Variants in FGF14 observed in about 807,000 individuals in gnomAD.
The protein encoded by FGF14 is fibroblast growth factor 14.
FGF14 carries 5 observed loss-of-function variants against 25.5 expected under a neutral mutation model. The ratio of observed to expected loss-of-function variants is 0.20; its 90% confidence interval spans 0.10 to 0.41. The LOEUF is 0.41. Among genes scored for constraint, FGF14 ranks in the 10% least tolerant of loss-of-function variants. FGF14 has a pLI of 1.00. For missense variants in FGF14, 222 were observed against 320.1 expected, an observed-to-expected ratio of 0.69 and a Z score of 2.34; for synonymous variants, 138 against 118.3, an observed-to-expected ratio of 1.17 and a Z score of -1.08.
At chr13:102,060,481 G>A (rs1309156830) in intron 1 of FGF14, among the ~76,000 whole-genome samples, 2 of 152,314 alleles carry the variant, frequency 1.3e-5, no homozygotes, top group Non-Finnish European at 2.9e-5. Flanking sequence ...AGCCGAGATC[G>A]CGCCACTGCA....
At chr13:102,108,773 C>T (rs2045060682) in intron 1 of FGF14, among the ~76,000 whole-genome samples, 3 of 152,112 alleles carry the variant, frequency 2.0e-5, no homozygotes, top group African/African-American at 7.2e-5. Context: ...TCTGGTTTAC[C>T]ATATAACAAA....
At chr13:101,901,569 T>C (rs920753398) in intron 1 of FGF14, among the ~76,000 whole-genome samples, 9 of 152,090 alleles carry the variant, frequency 5.9e-5, no homozygotes, top group African/African-American at 2.2e-4. Context: ...CTAGAGGTTA[T>C]GGTGTGCACC....
intron 1 of FGF14, among the ~76,000 whole-genome samples, chr13:102,147,517 T>C (rs1424135206): frequency 1.3e-5 from 2 of 152,222 alleles, no homozygotes; most frequent in East Asian, 1.9e-4. Flanking sequence ...ACATATTTCA[T>C]TGTCATGTGT....
chr13:102,373,298 T>C (rs113650928), intron 1 of FGF14: 1 of 152,328 alleles, frequency 6.6e-6, no homozygotes, highest in African/African-American at 2.4e-5. Flanking sequence ...TTCTACATGG[T>C]AAATTACCTT....
intron 3 of FGF14, among the ~76,000 whole-genome samples, chr13:101,778,684 C>A (rs2039296597): frequency 6.6e-6 from 1 of 152,092 alleles, no homozygotes; most frequent in African/African-American, 2.4e-5. Context: ...CAACCTCTCC[C>A]CGTTTCTAAA....
chr13:102,302,916 T>C (rs1023904924), intron 1 of FGF14, among the ~76,000 whole-genome samples: 6 of 152,120 alleles, frequency 3.9e-5, no homozygotes, highest in Non-Finnish European at 2.9e-5. Flanking sequence ...AAAACATAAG[T>C]CAGATCCTGC....
chr13:101,825,994 T>C (rs2042376271), intron 3 of FGF14, among the ~76,000 whole-genome samples: 1 of 152,178 alleles, frequency 6.6e-6, no homozygotes, highest in Non-Finnish European at 1.5e-5. Flanking sequence ...TTATGCAATG[T>C]TTTTATCATA....
chr13:102,027,924 T>C (rs766074776), intron 1 of FGF14, among the ~76,000 whole-genome samples: 24 of 152,040 alleles, frequency 1.6e-4, no homozygotes, highest in African/African-American at 4.3e-4. Context: ...CTTTTTATTA[T>C]ATAGAGAGAA....
At chr13:101,953,979 T>C (rs185467151) in intron 1 of FGF14, among the ~76,000 whole-genome samples, 2 of 152,292 alleles carry the variant, frequency 1.3e-5, no homozygotes, top group Admixed American at 1.3e-4. Context: ...AAAAGATTAA[T>C]TGAAGTTGAG....
intron 2 of FGF14, among the ~76,000 whole-genome samples, chr13:101,870,104 A>T (rs1018480030): frequency 2.0e-5 from 3 of 152,204 alleles, no homozygotes; most frequent in African/African-American, 7.2e-5. Context: ...ACGTAAACTA[A>T]TATCAGATTT....
intron 1 of FGF14, among the ~76,000 whole-genome samples, chr13:102,039,574 C>T (rs1436535901): frequency 6.6e-6 from 1 of 152,142 alleles, no homozygotes; most frequent in African/African-American, 2.4e-5. Flanking sequence ...GTCTCTGCCT[C>T]TGTCATCGCG....
At chr13:102,030,534 A>G (rs1296164714) in intron 1 of FGF14, among the ~76,000 whole-genome samples, 1 of 152,082 alleles carries the variant, frequency 6.6e-6, no homozygotes, top group African/African-American at 2.4e-5. Context: ...TTCGGGGGAA[A>G]GATTTGCATA....
intron 1 of FGF14, among the ~76,000 whole-genome samples, chr13:102,141,227 G>C (rs1173877581): frequency 6.6e-6 from 1 of 152,194 alleles, no homozygotes; most frequent in Non-Finnish European, 1.5e-5. Flanking sequence ...CCAGGAAAAT[G>C]GACGTGTTGA....
intron 3 of FGF14, among the ~76,000 whole-genome samples, chr13:101,823,926 T>A (rs1594383175): frequency 2.0e-5 from 3 of 149,838 alleles, no homozygotes; most frequent in Admixed American, 6.7e-5. Flanking sequence ...AATAATCAAT[T>A]ATAATATTTA....
chr13:102,107,883 T>G (rs967913882), intron 1 of FGF14, among the ~76,000 whole-genome samples: 2 of 152,186 alleles, frequency 1.3e-5, no homozygotes, highest in Non-Finnish European at 2.9e-5. Context: ...AGAGGGAACT[T>G]TTGCCTTCCT....
At chr13:102,292,268 T>G (rs2054447579) in intron 1 of FGF14, 1 of 111,140 alleles carries the variant, frequency 9.0e-6, no homozygotes, top group African/African-American at 3.7e-5. Context: ...TCCTACCTTA[T>G]ACTCTATAGC....
chr13:101,800,606 A>C (rs1044144014), intron 3 of FGF14, among the ~76,000 whole-genome samples: 7 of 152,220 alleles, frequency 4.6e-5, no homozygotes, highest in African/African-American at 1.7e-4. Context: ...ATCTACTTCA[A>C]AAATTGAAAT....
chr13:102,247,673 C>T (rs994256704), intron 1 of FGF14, among the ~76,000 whole-genome samples: 2 of 152,132 alleles, frequency 1.3e-5, no homozygotes, highest in Non-Finnish European at 2.9e-5. Context: ...TTGTGGAAAG[C>T]AGTGTGGTGA....
chr13:102,099,005 C>T (rs1199909775), intron 1 of FGF14, among the ~76,000 whole-genome samples: 1 of 152,074 alleles, frequency 6.6e-6, no homozygotes, highest in Admixed American at 6.5e-5. Context: ...GTGAAGCAGG[C>T]AGGAAGGAAG....
Sources: gnomAD v4.1 joint callset for allele counts (sites outside exome capture counted in the v4.1 genomes callset) on GRCh38, gnomAD v4.1.1 for gene constraint, MANE v1.5 for transcripts, NCBI Gene and HGNC (gene_info 2026-07-23, HGNC 2026-07-21) for gene names.